Variants in SPEF2 observed in about 807,000 individuals in gnomAD.
The protein encoded by SPEF2 is sperm flagella and cilia-associated protein 2.
SPEF2 carries 187 observed loss-of-function variants against 224.6 expected under a neutral mutation model. The ratio of observed to expected loss-of-function variants is 0.83; its 90% CI spans 0.74 to 0.94. SPEF2 has a LOEUF of 0.94. Ranked by LOEUF, SPEF2 falls within the 40% of genes least tolerant of loss-of-function variation. The pLI, the probability that SPEF2 is intolerant of heterozygous loss-of-function variation, is 0.00. For missense variants in SPEF2, 2,170 were observed against 2,135.6 expected (o/e 1.02, Z -0.32); for synonymous variants, 715 against 707.3 (o/e 1.01, Z -0.17).
At chr5:35,701,960 C>T (rs1738729234) in intron 16 of SPEF2, among the ~76,000 whole-genome samples, 1 of 152,130 alleles carries the variant, frequency 6.6e-6, no homozygotes, top group Non-Finnish European at 1.5e-5. Context: ...ACCTGGGTAA[C>T]AGAGTGAGAC....
At chr5:35,647,994 T>A (rs760314928) in intron 5 of SPEF2, among the ~76,000 whole-genome samples, 15 of 152,228 alleles carry the variant, frequency 9.9e-5, no homozygotes, top group Non-Finnish European at 2.1e-4. Context: ...TATTCTCTCA[T>A]GTGACCTATA....
At chr5:35,697,607 CATTTA>C (rs1407422999) in intron 14 of SPEF2, 78 bp from the exon 15 acceptor site, 2 of 1,074,086 alleles carry the variant, frequency 1.9e-6, no homozygotes, top group Non-Finnish European at 2.8e-6. Flanking sequence ...AGAGCCTGGT[CATTTA>C]ATTAACTTTT....
chr5:35,628,781 G>A (rs534979737), intron 2 of SPEF2, among the ~76,000 whole-genome samples: 3 of 151,862 alleles, frequency 2.0e-5, no homozygotes, highest in Admixed American at 6.6e-5. Flanking sequence ...TGGTGTAGAC[G>A]GGGTTTTTCC....
Position 35,641,462 on chromosome 5 carries a change from C to T in SPEF2, c.193C>T (p.Arg65Cys), listed in dbSNP as rs532386578. 15 of 1,613,318 alleles carry T rather than the reference C, an allele frequency of 9.3e-6. No homozygotes were observed. Among genetic ancestry groups the T allele is most frequent in the African/African-American group, 8.0e-5 (6 of 74,966 alleles). Residue 65 changes from arginine (R) to cysteine (C), a missense_variant, in exon 3 of 37, where the codon CGC becomes TGC. Transcript: ENST00000356031. ...VSSAKLNNFS[R>C]LEPTLNLLGV... Reference sequence around the variant, plus strand: ...AAGTGCCAAACTTAATAATTTTTCTCGCTTGGAGCCAACACTTAACCTTCT... The same window carrying T: ...AAGTGCCAAACTTAATAATTTTTCTTGCTTGGAGCCAACACTTAACCTTCT...
intron 3 of SPEF2, 87 bp downstream of exon 3, chr5:35,641,770 C>A: frequency 7.2e-7 from 1 of 1,381,768 alleles, no homozygotes; most frequent in Non-Finnish European, 9.9e-7. Context: ...CTCAAAGAAG[C>A]CTCATTAGGC....
chr5:35,721,451 T>A (rs1256358379), intron 20 of SPEF2, among the ~76,000 whole-genome samples: 2 of 152,204 alleles, frequency 1.3e-5, no homozygotes, highest in African/African-American at 4.8e-5. Context: ...AGGGTGTGGT[T>A]AGTTCCATAT....
intron 23 of SPEF2, among the ~76,000 whole-genome samples, chr5:35,751,604 G>T (rs1749669798): frequency 6.6e-6 from 1 of 152,034 alleles, no homozygotes; most frequent in Non-Finnish European, 1.5e-5. Context: ...ATGATATATT[G>T]TTCTGATACT....
At chr5:35,667,717 A>G (rs1292260175) in intron 9 of SPEF2, among the ~76,000 whole-genome samples, 1 of 152,160 alleles carries the variant, frequency 6.6e-6, no homozygotes, top group Non-Finnish European at 1.5e-5. Flanking sequence ...TTTTGCTTTG[A>G]AAAAGATGAA....
At chr5:35,671,792 T>C (rs1342314088) in intron 10 of SPEF2, among the ~76,000 whole-genome samples, 1 of 151,864 alleles carries the variant, frequency 6.6e-6, no homozygotes, top group Non-Finnish European at 1.5e-5. Flanking sequence ...TTGCAGAAAA[T>C]TGTAAACTTT....
chr5:35,683,544 G>T (rs770294725), intron 10 of SPEF2, among the ~76,000 whole-genome samples: 14 of 152,186 alleles, frequency 9.2e-5, no homozygotes, highest in Non-Finnish European at 1.8e-4. Flanking sequence ...ATAATTGCTT[G>T]AACTCGAGAG....
In SPEF2 at chr5:35,691,049, G is replaced by C; in HGVS notation, c.1537G>C (p.Glu513Gln). The change falls in exon 11 of 37, where the codon GAG becomes CAG. Residue 513 changes from glutamate (E) to glutamine (Q), a missense_variant. By Grantham distance (29) the Glu-to-Gln change is conservative. Coordinates refer to ENST00000356031, the MANE Select transcript of SPEF2 (RefSeq NM_024867.4). ...DYEEYKNMVG[E>Q]WALPEEMVDN... ...GTTATTTTTACAGAACATGGTTGGAGAGTGGGCCTTACCAGAAGAAATGGT... is the reference window on the plus strand; with the variant it reads ...GTTATTTTTACAGAACATGGTTGGACAGTGGGCCTTACCAGAAGAAATGGT... 6.2e-7 allele frequency: 1 copy of C among 1,613,742 alleles called. No homozygotes were observed. The highest frequency in any genetic ancestry group is 8.5e-7 in the Non-Finnish European group (1 of 1,179,778).
At chr5:35,736,225 C>A (rs1487026862) in intron 21 of SPEF2, among the ~76,000 whole-genome samples, 1 of 151,428 alleles carries the variant, frequency 6.6e-6, no homozygotes, top group Non-Finnish European at 1.5e-5. Context: ...AAATGGATAC[C>A]CTTTACAGAT....
At chr5:35,749,595 CT>C (rs1052474979) in intron 23 of SPEF2, among the ~76,000 whole-genome samples, 54 of 152,062 alleles carry the variant, frequency 3.6e-4, no homozygotes, top group African/African-American at 1.3e-3. Context: ...AACTCAACCC[CT>C]TTTACCATAG....
At chr5:35,785,280 G>A (rs73747978) in intron 30 of SPEF2, among the ~76,000 whole-genome samples, 7,068 of 152,166 alleles carry the variant, frequency 0.046, 464 homozygotes, top group African/African-American at 0.14. Flanking sequence ...TGCAGTAGTG[G>A]ATCTAGAAGG....
In SPEF2 at chr5:35,753,636, C is replaced by T. The variant is rs200848371; in HGVS notation, c.3343C>T (p.Arg1115Cys). 1.2e-5 allele frequency: 20 copies of T among 1,613,944 alleles called. No homozygotes were observed. The highest frequency in any genetic ancestry group is 2.7e-5 in the African/African-American group (2 of 74,904). Residue 1115 changes from arginine (R) to cysteine (C), a missense_variant, in exon 24 of 37, where the codon CGC becomes TGC. Transcript: ENST00000356031. ...LHQRVNDLRD[R>C]LWDICDARKE... ...TTTTTCTGTTCAGGATCTGCGAGAC[C>T]GCCTGTGGGACATTTGTGATGCCCG... is the stretch of plus-strand genomic sequence containing the variant.
intron 33 of SPEF2, among the ~76,000 whole-genome samples, chr5:35,798,967 C>G (rs1274380781): frequency 6.6e-6 from 1 of 152,160 alleles, no homozygotes; most frequent in East Asian, 1.9e-4. Flanking sequence ...ATTTTCCCAC[C>G]TGTTATCTTC....
At chr5:35,787,667 A>G (rs1755351724) in intron 30 of SPEF2, among the ~76,000 whole-genome samples, 1 of 152,134 alleles carries the variant, frequency 6.6e-6, no homozygotes, top group African/African-American at 2.4e-5. Context: ...GCATTTTCTG[A>G]ACCATATAAT....
intron 10 of SPEF2, 132 bp from the exon 11 acceptor site, chr5:35,690,905 T>G: frequency 1.6e-6 from 1 of 627,544 alleles, no homozygotes; most frequent in Admixed American, 3.5e-5. Context: ...ATTACTCTTT[T>G]TATAATATAA....
chr5:35,751,066 T>TATACGTATATATATAC (rs70973059), intron 23 of SPEF2, among the ~76,000 whole-genome samples: 646 of 32,498 alleles, frequency 0.02, 139 homozygotes, highest in Non-Finnish European at 0.028. Context: ...CGTATATATA[T>TATACGTATATATATAC]GTATATATAT....
Sources: gnomAD v4.1 joint callset for allele counts (sites outside exome capture counted in the v4.1 genomes callset) on GRCh38, gnomAD v4.1.1 for gene constraint, MANE v1.5 for transcripts, NCBI Gene and HGNC (gene_info 2026-07-23, HGNC 2026-07-21) for gene names.